Variants in TGFB2 observed in about 807,000 individuals in gnomAD.
TGFB2 encodes the protein transforming growth factor beta-2 proprotein.
Under a neutral mutation model 42.7 loss-of-function variants are expected in TGFB2, and 13 were observed. The observed-to-expected ratio is 0.30, with a 90% confidence interval of 0.20 to 0.48. The LOEUF (loss-of-function observed/expected upper bound fraction) is 0.48, where lower values mean the gene tolerates loss of function less well. TGFB2 is among the 20% of genes least tolerant of loss of function. The probability of loss-of-function intolerance (pLI) is 0.99; values close to 1 mark genes in which losing one functional copy is unlikely to be tolerated. For synonymous variants in TGFB2, 193 were observed against 193.6 expected (o/e 1.00, Z 0.03); for missense variants, 390 against 517.5 (o/e 0.75, Z 2.39).
intron 1 of TGFB2, among the ~76,000 whole-genome samples, chr1:218,387,941 T>TC (rs1658190759): frequency 6.6e-6 from 1 of 152,032 alleles, no homozygotes; most frequent in Admixed American, 6.5e-5. Context: ...TTTTTCTATG[T>TC]CCCCCCACCC....
In TGFB2 at chr1:218,381,263, T is replaced by G. The variant is rs1489097963; in HGVS notation, c.347-23906T>G. Among the ~76,000 whole-genome samples, 10 of 150,408 alleles carry G rather than the reference T, an allele frequency of 6.6e-5. No individual in the cohort carries two copies. In the East Asian group the frequency reaches 7.8e-4, roughly 12 times the overall value. ...ACATTTTTGTTTTTGTTTTTGTTTT[T>G]TTTTTTTTTTGAGACAGAGTCTCGC... On this transcript the variant is annotated intron_variant, in intron 1 of 6. Transcript: ENST00000366930.
At chr1:218,392,742 T>C (rs913311122) in intron 1 of TGFB2, among the ~76,000 whole-genome samples, 2 of 152,248 alleles carry the variant, frequency 1.3e-5, no homozygotes, top group African/African-American at 2.4e-5. Context: ...ACATCAGCTG[T>C]CTTTGCTTTT....
intron 2 of TGFB2, among the ~76,000 whole-genome samples, chr1:218,416,276 A>T (rs1474444372): frequency 1.3e-5 from 2 of 150,188 alleles, no homozygotes; most frequent in Non-Finnish European, 3.0e-5. Context: ...TTCCCAATTG[A>T]TTTTTAATAA....
At chr1:218,436,732 G>A (rs1176557186) in intron 5 of TGFB2, among the ~76,000 whole-genome samples, 2 of 152,186 alleles carry the variant, frequency 1.3e-5, no homozygotes, top group African/African-American at 4.8e-5. Flanking sequence ...AGAGGTACAG[G>A]ACAGGGAAGG....
At chr1:218,356,455 G>A (rs1657037989) in intron 1 of TGFB2, among the ~76,000 whole-genome samples, 1 of 152,112 alleles carries the variant, frequency 6.6e-6, no homozygotes, top group South Asian at 2.1e-4. Context: ...TTGGCCTGAA[G>A]CAATCCTCCT....
chr1:218,348,689 G>A (rs941478875), intron 1 of TGFB2, among the ~76,000 whole-genome samples: 2 of 152,222 alleles, frequency 1.3e-5, no homozygotes, highest in Admixed American at 1.3e-4. Flanking sequence ...AGGAAAGAAA[G>A]TTCATTGTAA....
rs200702935 is a variant in TGFB2, at chr1:218,346,697, A to C, written c.-5A>C. On this transcript the variant is annotated 5_prime_UTR_variant, in exon 1 of 7. Coordinates refer to ENST00000366930, the MANE Select transcript of TGFB2 (RefSeq NM_003238.6). This position sits in a 1 kb window ranked among gnomAD's most constrained non-coding sequence, Gnocchi z 4.9. ...AAACAACTTTTTTTTCCACTTTTTTAAAAAATGCACTACTGTGTGCTGAGC... is the reference window on the plus strand; with the variant it reads ...AAACAACTTTTTTTTCCACTTTTTTCAAAAATGCACTACTGTGTGCTGAGC... 6 of 1,568,844 alleles carry C rather than the reference A, an allele frequency of 3.8e-6. No individual in the cohort carries two copies. The highest frequency in any genetic ancestry group is 4.3e-6 in the Non-Finnish European group (5 of 1,164,818).
intron 1 of TGFB2, among the ~76,000 whole-genome samples, chr1:218,375,038 T>TA (rs1288759229): frequency 6.6e-6 from 1 of 151,422 alleles, no homozygotes; most frequent in African/African-American, 2.4e-5. Context: ...CAAAAAAAGA[T>TA]TTTTTTTTAT....
At chr1:218,357,107 G>A (rs1261015140) in intron 1 of TGFB2, among the ~76,000 whole-genome samples, 1 of 151,988 alleles carries the variant, frequency 6.6e-6, no homozygotes, top group Non-Finnish European at 1.5e-5. Flanking sequence ...AGCTACTTGG[G>A]AGGCTGAGGC....
intron 2 of TGFB2, among the ~76,000 whole-genome samples, chr1:218,415,224 A>G (rs1308389782): frequency 6.6e-6 from 1 of 152,202 alleles, no homozygotes; most frequent in African/African-American, 2.4e-5. Flanking sequence ...TTGAGTTTGA[A>G]CTGTTGTAAG....
At chr1:218,387,743 C>T (rs769780008) in intron 1 of TGFB2, among the ~76,000 whole-genome samples, 1 of 152,198 alleles carries the variant, frequency 6.6e-6, no homozygotes, top group Non-Finnish European at 1.5e-5. Flanking sequence ...AAGGCCTGTT[C>T]CCACCTGACC....
intron 5 of TGFB2, among the ~76,000 whole-genome samples, 176 bp from the exon 6 acceptor site, chr1:218,437,167 A>G (rs1216381306): frequency 6.6e-6 from 1 of 152,170 alleles, no homozygotes; most frequent in African/African-American, 2.4e-5. Flanking sequence ...CCCTATCATG[A>G]AAGTCACTTG....
intron 6 of TGFB2, among the ~76,000 whole-genome samples, 195 bp downstream of exon 6, chr1:218,437,691 C>A (rs183564556): frequency 8.5e-5 from 13 of 152,186 alleles, no homozygotes; most frequent in African/African-American, 2.4e-4. Flanking sequence ...GCAAGAAACT[C>A]CCCTAATAGA....
At chr1:218,348,567 TA>T (rs1489183259) in intron 1 of TGFB2, among the ~76,000 whole-genome samples, 1 of 152,256 alleles carries the variant, frequency 6.6e-6, no homozygotes, top group Non-Finnish European at 1.5e-5. Flanking sequence ...AGGATGATTT[TA>T]TTATTGTAAT....
intron 1 of TGFB2, among the ~76,000 whole-genome samples, chr1:218,371,156 G>A (rs1203244116): frequency 2.0e-5 from 3 of 151,924 alleles, no homozygotes; most frequent in Admixed American, 6.6e-5. Context: ...AAAAATAGCC[G>A]GGCCTAATGT....
At chr1:218,364,284 G>A (rs887104176) in intron 1 of TGFB2, among the ~76,000 whole-genome samples, 2 of 152,230 alleles carry the variant, frequency 1.3e-5, no homozygotes, top group Non-Finnish European at 2.9e-5. Context: ...CGGAGCAGGT[G>A]CAAGCTCCTC....
chr1:218,393,848 G>A (rs908400251), intron 1 of TGFB2, among the ~76,000 whole-genome samples: 15 of 151,986 alleles, frequency 9.9e-5, no homozygotes, highest in African/African-American at 3.6e-4. Flanking sequence ...CACAAACGTG[G>A]GTGCAGCCAT....
intron 2 of TGFB2, among the ~76,000 whole-genome samples, chr1:218,416,459 A>G (rs752756589): frequency 1.3e-5 from 2 of 152,162 alleles, no homozygotes; most frequent in Non-Finnish European, 2.9e-5. Flanking sequence ...CAGCATACAT[A>G]CTTGAGAATT....
intron 1 of TGFB2, among the ~76,000 whole-genome samples, chr1:218,387,085 A>T (rs1026824013): frequency 5.9e-5 from 9 of 152,202 alleles, no homozygotes; most frequent in African/African-American, 1.4e-4. Context: ...AGGTGACACT[A>T]GGCTGGACCT....
Sources: gnomAD v4.1 joint callset for allele counts (sites outside exome capture counted in the v4.1 genomes callset) on GRCh38, gnomAD v4.1.1 for gene constraint, Gnocchi (gnomAD v3.1) non-coding constraint, MANE v1.5 for transcripts, NCBI Gene and HGNC (gene_info 2026-07-23, HGNC 2026-07-21) for gene names.